Variants in PCNX2 observed in about 807,000 individuals in gnomAD.
PCNX2 encodes pecanex-like protein 2.
A neutral mutation model predicts 223.8 loss-of-function variants in PCNX2; 168 were observed. The observed-to-expected ratio is 0.75, with a 90% CI of 0.66 to 0.85. The LOEUF (loss-of-function observed/expected upper bound fraction) is 0.85. PCNX2 is among the 40% of genes least tolerant of loss of function. The pLI, the probability that PCNX2 is intolerant of heterozygous loss-of-function variation, is 0.00. For synonymous variants in PCNX2, 1,006 were observed against 1,052.6 expected (o/e 0.96, Z 0.86); for missense variants, 2,507 against 2,675.5 (o/e 0.94, Z 1.39).
intron 23 of PCNX2, 120 bp downstream of exon 23, chr1:233,089,941 G>T (rs996152396): frequency 6.6e-6 from 10 of 1,518,968 alleles, no homozygotes; most frequent in Non-Finnish European, 1.8e-6. Context: ...AGACAGGTTT[G>T]GCCTGGCCCC....
At chr1:233,299,988 C>T (rs1219470590), upstream of PCNX2, among the ~76,000 whole-genome samples, 1 of 150,944 alleles carries the variant, frequency 6.6e-6, no homozygotes, top group African/African-American at 2.4e-5. Context: ...CCTTTAAACT[C>T]ATCTCTGAAC....
chr1:233,166,605 G>A (rs1678812769), intron 17 of PCNX2, among the ~76,000 whole-genome samples: 1 of 152,050 alleles, frequency 6.6e-6, no homozygotes, highest in African/African-American at 2.4e-5. Context: ...ATATACAGAT[G>A]GCAAATGGTA....
the PCNX2 span, among the ~76,000 whole-genome samples, chr1:233,306,195 T>C: frequency 5.9e-5 from 9 of 152,298 alleles, no homozygotes; most frequent in African/African-American, 2.2e-4. Context: ...AAAGGGTCAG[T>C]TCATTAAGAA....
intron 32 of PCNX2, among the ~76,000 whole-genome samples, chr1:232,987,703 G>A (rs968627522): frequency 6.6e-6 from 1 of 152,196 alleles, no homozygotes; most frequent in Non-Finnish European, 1.5e-5. Context: ...CACATCATGT[G>A]AGAGGCAATT....
Position 233,017,152 on chromosome 1 carries a change from A to C in PCNX2, c.4608T>G (p.Ser1536Arg). 1 of 937,134 alleles carries C rather than the reference A, an allele frequency of 1.1e-6. No homozygotes were observed. Among genetic ancestry groups the C allele is most frequent in the Non-Finnish European group, 1.4e-6 (1 of 695,138 alleles). The allele number at this position is 937,134 out of a possible 1,614,324, so 58.1% of individuals were successfully genotyped here. A position where few individuals can be genotyped will look rare whatever the true frequency, so the allele number is the denominator to read the frequency against. The change falls in exon 27 of 34, where the codon AGT becomes AGG. Residue 1536 changes from serine (S) to arginine (R), a missense_variant and splice_region_variant. Physicochemically the swap from Ser to Arg is moderately radical, Grantham distance 110. Around this residue, in one of 3 missense-constraint regions of PCNX2, gnomAD observed 1,372 missense variants for 1,509.4 expected, o/e 0.91. Transcript: ENST00000258229. ...RRILIRYYIK[S>R]IIYYMVTSPK... ...GAGACGTTACCATATAGTATATTAT[A>C]CTCTGCAGAGAAAAAGCCAGGAAGA...
intron 12 of PCNX2, among the ~76,000 whole-genome samples, chr1:233,215,877 A>G (rs1457701668): frequency 2.0e-5 from 3 of 152,228 alleles, no homozygotes; most frequent in African/African-American, 7.2e-5. Flanking sequence ...TTCAGACTCT[A>G]GGATAAAAGA....
intron 21 of PCNX2, among the ~76,000 whole-genome samples, chr1:233,120,675 C>T (rs1265093956): frequency 2.0e-5 from 3 of 151,854 alleles, no homozygotes; most frequent in Non-Finnish European, 2.9e-5. Context: ...AAAGACAATC[C>T]CCAAAAGTTA....
chr1:233,291,984 T>C (rs185277211), intron 1 of PCNX2: 1 of 985,296 alleles, frequency 1.0e-6, no homozygotes, highest in Admixed American at 6.1e-5. Context: ...CTTACTGTTT[T>C]CAGTTGTACA....
the PCNX2 span, among the ~76,000 whole-genome samples, chr1:233,319,613 G>A: frequency 1.3e-5 from 2 of 152,192 alleles, no homozygotes; most frequent in Non-Finnish European, 2.9e-5. Context: ...TGTACTGCCC[G>A]TGTTATCACA....
chr1:233,107,867 A>G (rs1339557857), intron 21 of PCNX2, among the ~76,000 whole-genome samples: 2 of 152,190 alleles, frequency 1.3e-5, no homozygotes, highest in African/African-American at 4.8e-5. Context: ...AGGATGAGAG[A>G]GGAAGTTGGC....
chr1:233,317,065 A>G, the PCNX2 span, among the ~76,000 whole-genome samples: 2 of 152,230 alleles, frequency 1.3e-5, no homozygotes, highest in African/African-American at 4.8e-5. Flanking sequence ...CCAAGTGAAT[A>G]TTCTTATTAC....
chr1:233,131,087 T>C (rs1676477090), intron 21 of PCNX2, among the ~76,000 whole-genome samples: 1 of 152,228 alleles, frequency 6.6e-6, no homozygotes, highest in Non-Finnish European at 1.5e-5. Flanking sequence ...CCGAGGAAAC[T>C]GAGTGCCCAT....
rs777306704 is a variant in PCNX2, at chr1:233,258,266, A to G, written c.1596T>C (p.Ser532=). Residue 532 remains serine (S), a synonymous_variant, in exon 5 of 34, where the codon AGT becomes AGC. Coordinates refer to ENST00000258229, the MANE Select transcript of PCNX2 (RefSeq NM_014801.4). ...AGAAGACATCTGTCCCACTGTCCAC[A>G]CTGAGCACCCGGGCATGCCTCTTTT... ...SHEKRHARVL[S]VDSGTDVFLS... is the part of the protein sequence containing the mutation. 5.6e-6 allele frequency: 9 copies of G among 1,614,024 alleles called. No homozygotes were observed. The highest frequency in any genetic ancestry group is 5.9e-6 in the Non-Finnish European group (7 of 1,179,890).
chr1:233,194,525 G>C (rs1382387220), intron 15 of PCNX2, among the ~76,000 whole-genome samples: 2 of 152,100 alleles, frequency 1.3e-5, no homozygotes. Flanking sequence ...ATATCTTTAT[G>C]AGATAATTGA....
At chr1:233,305,048 C>G in the PCNX2 span, among the ~76,000 whole-genome samples, 1 of 151,946 alleles carries the variant, frequency 6.6e-6, no homozygotes, top group Non-Finnish European at 1.5e-5. Flanking sequence ...TTTAACTTAC[C>G]TAAACATTCA....
chr1:233,203,578 CTGA>C (rs1258637800), intron 13 of PCNX2, among the ~76,000 whole-genome samples: 1 of 152,196 alleles, frequency 6.6e-6, no homozygotes, highest in Non-Finnish European at 1.5e-5. Context: ...CTTCAATCAT[CTGA>C]TGTTTCCTTC....
At position 233,067,365 on chromosome 1, in the gene PCNX2, C is replaced by CAAAAAAAAAA. The variant is rs750823791; in HGVS notation, c.4077-10085_4077-10076dup. Among the ~76,000 whole-genome samples, 23 of 3,886 alleles carry CAAAAAAAAAA rather than the reference C, an allele frequency of 5.9e-3. 3 individuals carry two copies. Among genetic ancestry groups the CAAAAAAAAAA allele is most frequent in the Non-Finnish European group, 0.01 (17 of 1,680 alleles). 2.5% of individuals were successfully genotyped at this position (3,886 alleles called of 152,430 possible). ...AATAAATGAAAAAATAGAGCTTCAGCAAAAAAAAAAAAAAAAAAAAAAAAA... is the reference window on the plus strand; with the variant it reads ...AATAAATGAAAAAATAGAGCTTCAGCAAAAAAAAAAAAAAAAAAAAAAAAAAAAAAAAAAA... On this transcript the variant is annotated intron_variant, in intron 23 of 33. Transcript: ENST00000258229.
intron 12 of PCNX2, among the ~76,000 whole-genome samples, chr1:233,214,919 C>T (rs1195963236): frequency 6.6e-6 from 1 of 152,138 alleles, no homozygotes; most frequent in East Asian, 1.9e-4. Flanking sequence ...TCGCTATCTT[C>T]TGATTTTAAC....
intron 19 of PCNX2, among the ~76,000 whole-genome samples, chr1:233,153,177 A>C (rs1398953024): frequency 6.6e-6 from 1 of 152,204 alleles, no homozygotes; most frequent in Admixed American, 6.5e-5. Flanking sequence ...ACTACAAACT[A>C]TCTGAAGTAT....
Sources: gnomAD v4.1 joint callset for allele counts (sites outside exome capture counted in the v4.1 genomes callset) on GRCh38, gnomAD v4.1.1 for gene constraint, gnomAD v4.1.1 regional missense constraint, MANE v1.5 for transcripts, NCBI Gene and HGNC (gene_info 2026-07-23, HGNC 2026-07-21) for gene names.